The following PDGFD variants were observed in gnomAD, a reference collection of about 807,000 sequenced individuals.
PDGFD encodes the protein platelet derived growth factor D.
Under a neutral mutation model 44.7 loss-of-function variants are expected in PDGFD, and 30 were observed. The observed-to-expected ratio is 0.67, with a 90% CI of 0.50 to 0.91. The LOEUF (loss-of-function observed/expected upper bound fraction) is 0.91. PDGFD is among the 40% of genes least tolerant of loss of function. The pLI is 0.00. For synonymous variants in PDGFD, 173 were observed against 168.4 expected, an observed-to-expected ratio of 1.03 and a Z score of -0.21; for missense variants, 445 against 457.8, an observed-to-expected ratio of 0.97 and a Z score of 0.25.
At chr11:103,917,887 G>A (rs1302812730) in intron 6 of PDGFD, among the ~76,000 whole-genome samples, 1 of 152,166 alleles carries the variant, frequency 6.6e-6, no homozygotes, top group Non-Finnish European at 1.5e-5. Flanking sequence ...TTTGTCCTAG[G>A]TGAAAGTTAG....
Position 104,116,548 on chromosome 11 carries a change from C to T in PDGFD, c.124+47256G>A, listed in dbSNP as rs376735361. On this transcript the variant is annotated intron_variant, in intron 1 of 6. Coordinates refer to ENST00000393158, the MANE Select transcript of PDGFD (RefSeq NM_025208.5). The stretch of plus-strand genomic sequence containing the variant: ...AAGTCATTCTATGAAGCCAGTATTA[C>T]CCTAATACCAAAACCAAGAAAGGAC... Among the ~76,000 whole-genome samples the T allele has an allele frequency of 1.9e-4, 29 of 152,062 alleles. No individual in the cohort carries two copies. The South Asian group carries it at 2.1e-3, about 11-fold the overall frequency.
chr11:103,979,280 C>T (rs1211124749), intron 3 of PDGFD, among the ~76,000 whole-genome samples: 5 of 152,144 alleles, frequency 3.3e-5, no homozygotes, highest in Non-Finnish European at 5.9e-5. Context: ...TGTTACCAGT[C>T]GGTAACTCAC....
intron 3 of PDGFD, among the ~76,000 whole-genome samples, chr11:103,995,362 T>G (rs1008676085): frequency 2.0e-5 from 3 of 152,196 alleles, no homozygotes; most frequent in Admixed American, 2.0e-4. Flanking sequence ...GACCCATGAC[T>G]GTGTGTGACC....
At chr11:104,014,294 G>A (rs1473375455) in intron 1 of PDGFD, among the ~76,000 whole-genome samples, 1 of 152,142 alleles carries the variant, frequency 6.6e-6, no homozygotes, top group Non-Finnish European at 1.5e-5. Flanking sequence ...CTAGGAGTTC[G>A]AGACTAGCCT....
Position 103,931,526 on chromosome 11 carries a change from G to C in PDGFD, c.773-4400C>G, listed in dbSNP as rs76400517. ...TTTTTCTCTTGATCATCCACAGACT[G>C]TCAGAGAATCCAATTAAACTGCTGC... On this transcript the variant is annotated intron_variant, in intron 5 of 6. Coordinates refer to ENST00000393158, the MANE Select transcript of PDGFD (RefSeq NM_025208.5). 1.7e-3 allele frequency among the ~76,000 whole-genome samples: 260 copies of C among 152,286 alleles called. 1 individual carries two copies. Among genetic ancestry groups the C allele is most frequent in the African/African-American group, 6.0e-3 (249 of 41,566 alleles).
chr11:103,932,559 G>C (rs1034089599), intron 5 of PDGFD, among the ~76,000 whole-genome samples: 2 of 152,192 alleles, frequency 1.3e-5, no homozygotes, highest in Non-Finnish European at 2.9e-5. Context: ...TGGAGGTAGA[G>C]AGCTAATCAT....
intron 3 of PDGFD, among the ~76,000 whole-genome samples, chr11:103,963,562 C>T (rs73600286): frequency 0.038 from 5,760 of 152,164 alleles, 359 homozygotes; most frequent in African/African-American, 0.13. Context: ...GTATTGAGTG[C>T]CTACCCATTG....
rs961226623 is a variant in PDGFD, at chr11:104,109,483, A to C, written c.124+54321T>G. On this transcript the variant is annotated intron_variant, in intron 1 of 6. Coordinates refer to ENST00000393158, the MANE Select transcript of PDGFD (RefSeq NM_025208.5). ...TGCTAAAAAAAAGTCTTTTTGGATC[A>C]AAATTTAGCAACATCTATTAAATTT... 2.0e-5 allele frequency among the ~76,000 whole-genome samples: 3 copies of C among 152,196 alleles called. No individual in the cohort carries two copies. In the South Asian group the frequency reaches 6.2e-4, roughly 32 times the overall value.
chr11:104,058,415 T>C (rs1860656619), intron 1 of PDGFD, among the ~76,000 whole-genome samples: 1 of 152,074 alleles, frequency 6.6e-6, no homozygotes, highest in African/African-American at 2.4e-5. Flanking sequence ...CATTAGTCAT[T>C]AGGAAAAAGC....
intron 1 of PDGFD, among the ~76,000 whole-genome samples, chr11:104,145,801 A>G (rs192171412): frequency 1.3e-3 from 197 of 152,358 alleles, no homozygotes; most frequent in African/African-American, 4.2e-3. Context: ...AGAGATAATT[A>G]AGGCTAAATG....
chr11:103,944,469 CTG>C (rs940257419), intron 4 of PDGFD, among the ~76,000 whole-genome samples: 2 of 152,124 alleles, frequency 1.3e-5, no homozygotes, highest in Non-Finnish European at 2.9e-5. Flanking sequence ...TCAAACATCT[CTG>C]TTAAAATTCA....
chr11:103,909,469 C>T lies in PDGFD; in HGVS notation c.*225G>A, dbSNP rs1857993661. On this transcript the variant is annotated 3_prime_UTR_variant, in exon 7 of 7. Transcript: ENST00000393158. ...GTGTTTGTGCATATATAACCTCAAA[C>T]ACTATTATTAAATGCAATCCTATAT... 1 of 503,802 alleles carries T rather than the reference C, an allele frequency of 2.0e-6. No homozygotes were observed. Among genetic ancestry groups the T allele is most frequent in the African/African-American group, 1.9e-5 (1 of 52,052 alleles). 31.2% of individuals were successfully genotyped at this position (503,802 alleles called of 1,614,324 possible).
chr11:104,140,866 A>G (rs1029884263), intron 1 of PDGFD, among the ~76,000 whole-genome samples: 6 of 152,230 alleles, frequency 3.9e-5, no homozygotes, highest in Non-Finnish European at 2.9e-5. Flanking sequence ...CTGCTGAAAT[A>G]TCTCCCTTGC....
intron 3 of PDGFD, among the ~76,000 whole-genome samples, chr11:103,968,514 C>T (rs555742952): frequency 6.6e-6 from 1 of 152,114 alleles, no homozygotes; most frequent in African/African-American, 2.4e-5. Context: ...TTGTGCATAT[C>T]CTACACCTGA....
chr11:104,149,814 T>A (rs1194637358), intron 1 of PDGFD, among the ~76,000 whole-genome samples: 1 of 152,072 alleles, frequency 6.6e-6, no homozygotes, highest in African/African-American at 2.4e-5. Context: ...CCCATAAACT[T>A]CACACTGGAC....
chr11:104,125,578 G>C (rs1861830882), intron 1 of PDGFD, among the ~76,000 whole-genome samples: 1 of 152,014 alleles, frequency 6.6e-6, no homozygotes, highest in Non-Finnish European at 1.5e-5. Flanking sequence ...TGTATTATAT[G>C]TACTCAGACC....
At chr11:104,121,603 C>T (rs1861779545) in intron 1 of PDGFD, among the ~76,000 whole-genome samples, 1 of 151,936 alleles carries the variant, frequency 6.6e-6, no homozygotes, top group Admixed American at 6.6e-5. Context: ...AATACAAGTT[C>T]CAGTTTTTAA....
intron 1 of PDGFD, among the ~76,000 whole-genome samples, chr11:104,049,178 T>C (rs1376022125): frequency 1.3e-5 from 2 of 152,176 alleles, no homozygotes; most frequent in Admixed American, 1.3e-4. Context: ...GATAAAGCAC[T>C]GTTCAGGAAC....
At chr11:104,009,498 C>G (rs1373266337) in intron 1 of PDGFD, among the ~76,000 whole-genome samples, 1 of 151,634 alleles carries the variant, frequency 6.6e-6, no homozygotes, top group Non-Finnish European at 1.5e-5. Context: ...CACTCTTCCT[C>G]AAAGAATCAA....
Sources: allele counts gnomAD v4.1 joint callset (sites outside exome capture counted in the v4.1 genomes callset), GRCh38; gene constraint gnomAD v4.1.1; transcripts MANE v1.5; gene names NCBI Gene and HGNC (gene_info 2026-07-23, HGNC 2026-07-21).